Variants in PRDM10 observed in about 807,000 individuals in gnomAD.
The protein encoded by PRDM10 is PR/SET domain 10.
PRDM10 carries 65 observed loss-of-function variants against 133.1 expected under a neutral mutation model. The observed-to-expected ratio is 0.49, with a 90% confidence interval of 0.40 to 0.60. PRDM10 has a LOEUF of 0.60. Ranked by LOEUF, PRDM10 falls within the 20% of genes least tolerant of loss-of-function variation. PRDM10 has a pLI of 0.00. For synonymous variants in PRDM10, 582 were observed against 580.4 expected, an observed-to-expected ratio of 1.00 and a Z score of -0.04; for missense variants, 1,137 against 1,507.1, an observed-to-expected ratio of 0.75 and a Z score of 4.07.
At position 129,923,358 on chromosome 11, in the gene PRDM10, ACTGGTAGAT is replaced by A; in HGVS notation, c.1915_1923del (p.Ile639_Gln641del). ...CAGAAGGCCTTGTCACACTCTGTGC[ACTGGTAGAT>A]CTTTTCTGAGTGGAAGCTGCGCACG... On this transcript the variant is annotated inframe_deletion, in exon 13 of 21. Coordinates refer to ENST00000360871, the MANE Select transcript of PRDM10 (RefSeq NM_199437.2). This position sits in a 1 kb window ranked among gnomAD's most constrained non-coding sequence, Gnocchi z 4.4. The A allele has an allele frequency of 6.2e-7, 1 of 1,612,986 alleles. No individual in the cohort carries two copies. The highest frequency in any genetic ancestry group is 8.5e-7 in the Non-Finnish European group (1 of 1,179,650).
chr11:129,963,419 G>C (rs1194720263), intron 1 of PRDM10, among the ~76,000 whole-genome samples: 1 of 150,818 alleles, frequency 6.6e-6, no homozygotes, highest in African/African-American at 2.4e-5. Context: ...GAGAAGAGAA[G>C]AGAAGAGAAG....
At chr11:129,920,685 C>T (rs959750266) in intron 13 of PRDM10, among the ~76,000 whole-genome samples, 1 of 151,774 alleles carries the variant, frequency 6.6e-6, no homozygotes, top group Non-Finnish European at 1.5e-5. Flanking sequence ...AATATTCCTC[C>T]CTCACTCCTC....
At chr11:129,941,549 G>A in intron 7 of PRDM10, among the ~76,000 whole-genome samples, 1 of 152,202 alleles carries the variant, frequency 6.6e-6, no homozygotes, top group Non-Finnish European at 1.5e-5. Context: ...CTCCGTCACA[G>A]ATATACACGC....
At chr11:129,952,927 A>G (rs1951615558) in intron 4 of PRDM10, among the ~76,000 whole-genome samples, 1 of 152,154 alleles carries the variant, frequency 6.6e-6, no homozygotes, top group African/African-American at 2.4e-5. Context: ...GTTGAGTACA[A>G]TGAAATGACT....
chr11:129,940,893 T>C (rs1409134027), intron 7 of PRDM10, among the ~76,000 whole-genome samples: 2 of 152,260 alleles, frequency 1.3e-5, no homozygotes, highest in Non-Finnish European at 2.9e-5. Context: ...ACTGAACTGT[T>C]ATATTCTTAT....
chr11:129,914,677 G>T, intron 17 of PRDM10, 27 bp downstream of exon 17: 2 of 1,613,644 alleles, frequency 1.2e-6, no homozygotes, highest in Non-Finnish European at 1.7e-6. Flanking sequence ...CATTCATAAG[G>T]CAAAGGGAAA....
chr11:129,956,663 A>T (rs1951702241), intron 3 of PRDM10, among the ~76,000 whole-genome samples: 1 of 152,246 alleles, frequency 6.6e-6, no homozygotes, highest in Non-Finnish European at 1.5e-5. Context: ...ACATTCTTAT[A>T]TAAACTAATC....
At position 129,923,178 on chromosome 11, in the gene PRDM10, C is replaced by T; in HGVS notation, c.2034+70G>A. 6.8e-7 allele frequency: 1 copy of T among 1,465,530 alleles called. No homozygotes were observed. The highest frequency in any genetic ancestry group is 2.6e-5 in the East Asian group (1 of 38,632). 90.8% of individuals were successfully genotyped at this position (1,465,530 alleles called of 1,614,324 possible). A position where few individuals can be genotyped will look rare whatever the true frequency, so the allele number is the denominator to read the frequency against. ...GTGATAAACTGATGAAATGAACAGG[C>T]ATTTACCCTCAGCTTGCTATAATTC... On this transcript the variant is annotated intron_variant, in intron 13 of 20. Transcript: ENST00000360871. The surrounding 1 kb of genome is among the most constrained non-coding windows in gnomAD (Gnocchi z 4.4).
chr11:130,002,539 A>C (rs1330789785), intron 1 of PRDM10, among the ~76,000 whole-genome samples, 183 bp downstream of exon 1: 19 of 126,570 alleles, frequency 1.5e-4, no homozygotes, highest in Admixed American at 3.0e-4. Flanking sequence ...TCTCCCCCCC[A>C]CCACCACCAT....
chr11:129,937,145 C>A (rs1951059950), intron 8 of PRDM10, among the ~76,000 whole-genome samples: 1 of 152,222 alleles, frequency 6.6e-6, no homozygotes, highest in South Asian at 2.1e-4. Flanking sequence ...AAAGAAACTT[C>A]TAGGGCACAG....
intron 1 of PRDM10, among the ~76,000 whole-genome samples, chr11:129,981,826 G>A (rs1938128313): frequency 6.6e-6 from 1 of 152,052 alleles, no homozygotes; most frequent in Non-Finnish European, 1.5e-5. Context: ...AACCTGGGAG[G>A]TGAAGGTTGC....
At position 129,905,363 on chromosome 11, in the gene PRDM10, G is replaced by GAAAAAAAAAAAAAAA. The variant is rs57268294; in HGVS notation, c.3267+260_3267+274dup. ...GGCGACACAGCAAGACTCTGTCTCA[G>GAAAAAAAAAAAAAAA]AAAAAAAAAAAAAAAAAAAAGGCTC... On this transcript the variant is annotated intron_variant, in intron 20 of 20. Coordinates refer to ENST00000360871, the MANE Select transcript of PRDM10 (RefSeq NM_199437.2). Among the ~76,000 whole-genome samples the GAAAAAAAAAAAAAAA allele has an allele frequency of 2.9e-5, 2 of 69,442 alleles. 1 individual carries two copies. The allele number at this position is 69,442 out of a possible 152,430, so 45.6% of individuals were successfully genotyped here.
rs1950331232 is a variant in PRDM10 at position 129,915,571 on chromosome 11, C to T, written c.2526+89G>A. On this transcript the variant is annotated intron_variant, in intron 16 of 20. Transcript: ENST00000360871. ...CCCCCGTCAACTCAGAAGGAGCCATCCAGGCCATGTGGATGAGAAGCCACC... is the reference window on the plus strand; with the variant it reads ...CCCCCGTCAACTCAGAAGGAGCCATTCAGGCCATGTGGATGAGAAGCCACC... 4 of 1,397,552 alleles carry T rather than the reference C, an allele frequency of 2.9e-6. No homozygotes were observed. In the South Asian group the frequency reaches 5.6e-5, roughly 20 times the overall value. The allele number at this position is 1,397,552 out of a possible 1,614,324, so 86.6% of individuals were successfully genotyped here.
At chr11:129,936,592 G>A (rs1951039032) in intron 8 of PRDM10, among the ~76,000 whole-genome samples, 1 of 152,070 alleles carries the variant, frequency 6.6e-6, no homozygotes, top group African/African-American at 2.4e-5. Context: ...GGTGGAGCTT[G>A]CAGTGAGCCG....
chr11:129,986,530 G>T (rs868531937), intron 1 of PRDM10, among the ~76,000 whole-genome samples: 1 of 152,234 alleles, frequency 6.6e-6, no homozygotes, highest in African/African-American at 2.4e-5. Flanking sequence ...GGGACTACAG[G>T]CGTGCAGCAC....
At chr11:129,998,905 C>T (rs1166043722) in intron 1 of PRDM10, among the ~76,000 whole-genome samples, 3 of 151,446 alleles carry the variant, frequency 2.0e-5, no homozygotes, top group African/African-American at 7.3e-5. Context: ...TCACTGCAGC[C>T]GCTACTTCCG....
chr11:129,904,701 C>T (rs1949958265), intron 20 of PRDM10, among the ~76,000 whole-genome samples: 1 of 152,126 alleles, frequency 6.6e-6, no homozygotes, highest in African/African-American at 2.4e-5. Context: ...GGTTTTGCCA[C>T]GTTGGCCAAG....
chr11:129,902,548 T>G (rs368333479), intron 20 of PRDM10, 32 bp from the exon 21 acceptor site: 1 of 1,601,368 alleles, frequency 6.2e-7, no homozygotes, highest in East Asian at 2.2e-5. Context: ...CCTTAAAAAC[T>G]TGGGGCCTTA....
At chr11:130,000,419 TTAGG>T (rs878872926) in intron 1 of PRDM10, among the ~76,000 whole-genome samples, 50 of 152,298 alleles carry the variant, frequency 3.3e-4, no homozygotes, top group Middle Eastern at 3.4e-3. Flanking sequence ...AAGCAGAAAC[TTAGG>T]TAGTGCCAAT....
Sources: gnomAD v4.1 joint callset for allele counts (sites outside exome capture counted in the v4.1 genomes callset) on GRCh38, gnomAD v4.1.1 for gene constraint, Gnocchi (gnomAD v3.1) non-coding constraint, MANE v1.5 for transcripts, NCBI Gene and HGNC (gene_info 2026-07-23, HGNC 2026-07-21) for gene names.